The following SRSF3 variants were observed in gnomAD, a reference collection of about 807,000 sequenced individuals.
SRSF3 encodes the protein serine and arginine rich splicing factor 3, also known as serine/arginine-rich splicing factor 3.
For missense variants in SRSF3, 58 were observed against 217.1 expected (o/e 0.27, Z 4.61); for synonymous variants, 87 against 73.6 (o/e 1.18, Z -0.93).
In SRSF3 at chr6:36,604,084, T is replaced by C. The variant is rs917398740; in HGVS notation, c.*2095T>C. On this transcript the variant is annotated 3_prime_UTR_variant, in exon 6 of 6. Coordinates refer to ENST00000373715, the MANE Select transcript of SRSF3 (RefSeq NM_003017.5). Reference sequence around the variant, plus strand: ...CATGGAAATTGTTAAAAGCTTTGAATTGCACATTTAGATTGTGGCTATTAG... The same window carrying C: ...CATGGAAATTGTTAAAAGCTTTGAACTGCACATTTAGATTGTGGCTATTAG... 8 of 226,982 alleles carry C rather than the reference T, an allele frequency of 3.5e-5. No homozygotes were observed. Among genetic ancestry groups the C allele is most frequent in the East Asian group, 3.2e-4 (5 of 15,670 alleles). The allele number at this position is 226,982 out of a possible 1,614,324, so 14.1% of individuals were successfully genotyped here.
At chr6:36,597,844 T>C (rs2127505284) in intron 2 of SRSF3, among the ~76,000 whole-genome samples, 1 of 151,900 alleles carries the variant, frequency 6.6e-6, no homozygotes, top group East Asian at 1.9e-4. Flanking sequence ...TAATTTCTTT[T>C]TTTAAAAAAA....
In SRSF3 at chr6:36,601,461, C is replaced by T; in HGVS notation, c.381-247C>T. Reference sequence around the variant, plus strand: ...TCCTGGCCTTGGAGTGATCCTCCCTCTTCAGCCTCCTGAGTAGCTTGGACT... The same window carrying T: ...TCCTGGCCTTGGAGTGATCCTCCCTTTTCAGCCTCCTGAGTAGCTTGGACT... On this transcript the variant is annotated intron_variant, in intron 4 of 5. Transcript: ENST00000373715. 1.1e-5 allele frequency: 6 copies of T among 567,112 alleles called. No homozygotes were observed. In the South Asian group the frequency reaches 1.3e-4, roughly 12 times the overall value. The allele number at this position is 567,112 out of a possible 1,614,324, so 35.1% of individuals were successfully genotyped here. A position where few individuals can be genotyped will look rare whatever the true frequency, so the allele number is the denominator to read the frequency against.
chr6:36,601,095 C>A lies in SRSF3; in HGVS notation c.342-57C>A. The A allele has an allele frequency of 4.7e-6, 7 of 1,485,510 alleles. No individual in the cohort carries two copies. In the Admixed American group the frequency reaches 5.6e-5, roughly 12 times the overall value. 92.0% of individuals were successfully genotyped at this position (1,485,510 alleles called of 1,614,324 possible). ...AGTGAGATTGAAAAGTTGGGAAATG[C>A]CTCACGCCATAAATACTAATTGATG... On this transcript the variant is annotated intron_variant, in intron 3 of 5. Coordinates refer to ENST00000373715, the MANE Select transcript of SRSF3 (RefSeq NM_003017.5).
chr6:36,601,324 G>A, intron 4 of SRSF3, 134 bp downstream of exon 4: 1 of 845,456 alleles, frequency 1.2e-6, no homozygotes, highest in Non-Finnish European at 1.8e-6. Context: ...GGATGAGTCA[G>A]CTTTCTTTGA....
At chr6:36,596,669 C>T (rs567937819) in intron 1 of SRSF3, 92 bp from the exon 2 acceptor site, 4 of 1,173,054 alleles carry the variant, frequency 3.4e-6, no homozygotes, top group Admixed American at 1.8e-5. Flanking sequence ...CTTAAACTCT[C>T]TTGTCCTCTC....
chr6:36,595,785 A>G (rs1416455343), intron 1 of SRSF3, among the ~76,000 whole-genome samples: 5 of 152,190 alleles, frequency 3.3e-5, no homozygotes. Context: ...ATGAGTTTAC[A>G]TTTTTTAAAA....
At chr6:36,595,637 A>G (rs73408324) in intron 1 of SRSF3, among the ~76,000 whole-genome samples, 4,029 of 152,210 alleles carry the variant, frequency 0.026, 62 homozygotes, top group African/African-American at 0.039. Flanking sequence ...TGTTTTCAAG[A>G]TTTTCCAACG....
At chr6:36,598,672 G>A (rs1778670936) in intron 2 of SRSF3, 177 bp from the exon 3 acceptor site, 2 of 693,016 alleles carry the variant, frequency 2.9e-6, no homozygotes, top group South Asian at 2.0e-5. Context: ...GTGTACCACC[G>A]TGCCTGGCCA....
chr6:36,601,114 A>G (rs1778709140), intron 3 of SRSF3, 38 bp from the exon 4 acceptor site: 1 of 1,605,308 alleles, frequency 6.2e-7, no homozygotes, highest in African/African-American at 1.4e-5. Context: ...ATAAATACTA[A>G]TTGATGATGA....
chr6:36,599,422 A>G (rs1778682989), intron 3 of SRSF3: 1 of 194,496 alleles, frequency 5.1e-6, no homozygotes, highest in South Asian at 8.8e-5. Context: ...TCATTCTGAG[A>G]CTAACTTAAG....
intron 1 of SRSF3, among the ~76,000 whole-genome samples, chr6:36,595,383 T>C (rs73408322): frequency 0.026 from 4,025 of 152,318 alleles, 61 homozygotes; most frequent in African/African-American, 0.039. Context: ...AAATTATCTT[T>C]AAGTGGTATT....
intron 3 of SRSF3, chr6:36,599,519 T>A (rs1338326188): frequency 4.8e-6 from 1 of 209,580 alleles, no homozygotes; most frequent in Non-Finnish European, 1.0e-5. Context: ...AGTTTTTTTA[T>A]AATTGAAAAT....
intron 4 of SRSF3, 121 bp downstream of exon 4, chr6:36,601,311 T>A: frequency 1.1e-6 from 1 of 917,596 alleles, no homozygotes; most frequent in Non-Finnish European, 1.7e-6. Flanking sequence ...AATCAAGTTG[T>A]AAGGATGAGT....
At chr6:36,596,599 C>T (rs957830838) in intron 1 of SRSF3, among the ~76,000 whole-genome samples, 162 bp from the exon 2 acceptor site, 7 of 136,862 alleles carry the variant, frequency 5.1e-5, no homozygotes, top group African/African-American at 1.7e-4. Flanking sequence ...GGGTGCTTAG[C>T]AGTAACATTT....
Position 36,598,904 on chromosome 6 carries a change from A to C in SRSF3, c.262A>C (p.Arg88=), listed in dbSNP as rs750481720. Residue 88 remains arginine (R), a synonymous_variant, in exon 3 of 6, where the codon AGA becomes CGA. Coordinates refer to ENST00000373715, the MANE Select transcript of SRSF3 (RefSeq NM_003017.5). ...ACTGTCGAATGGTGAAAAAAGAAGTAGAAATCGTGGCCCACCTCCCTCTTG... is the reference window on the plus strand; with the variant it reads ...ACTGTCGAATGGTGAAAAAAGAAGTCGAAATCGTGGCCCACCTCCCTCTTG... ...VELSNGEKRS[R]NRGPPPSWGR... 5 of 1,614,068 alleles carry C rather than the reference A, an allele frequency of 3.1e-6. No homozygotes were observed. The highest frequency in any genetic ancestry group is 4.2e-6 in the Non-Finnish European group (5 of 1,179,992).
At position 36,602,853 on chromosome 6, in the gene SRSF3, C is replaced by A; in HGVS notation, c.*864C>A. The stretch of plus-strand genomic sequence containing the variant: ...GGTACCAAGTCCAGGTATAACATTC[C>A]TATTGGAAGCCATACTTATATTTTC... On this transcript the variant is annotated 3_prime_UTR_variant, in exon 6 of 6. Coordinates refer to ENST00000373715, the MANE Select transcript of SRSF3 (RefSeq NM_003017.5). The A allele has an allele frequency of 4.8e-6, 1 of 208,092 alleles. No individual in the cohort carries two copies. Among genetic ancestry groups the A allele is most frequent in the Middle Eastern group, 1.6e-3 (1 of 636 alleles). 12.9% of individuals were successfully genotyped at this position (208,092 alleles called of 1,614,324 possible). A position where few individuals can be genotyped will look rare whatever the true frequency, so the allele number is the denominator to read the frequency against.
At chr6:36,599,910 T>A in intron 3 of SRSF3, 1 of 1,350,782 alleles carries the variant, frequency 7.4e-7, no homozygotes, top group South Asian at 1.1e-5. Flanking sequence ...GCGCGCCCCA[T>A]TCAGCTTGGC....
In SRSF3 at chr6:36,603,295, T is replaced by C. The variant is rs1443749273; in HGVS notation, c.*1306T>C. ...GGAATTCTAAGCTGATCCATCATGA[T>C]GTAAAAGTTCACAATATGGTTCAAA... On this transcript the variant is annotated 3_prime_UTR_variant, in exon 6 of 6. Coordinates refer to ENST00000373715, the MANE Select transcript of SRSF3 (RefSeq NM_003017.5). The C allele has an allele frequency of 4.4e-6, 1 of 224,970 alleles. No homozygotes were observed. Among genetic ancestry groups the C allele is most frequent in the Non-Finnish European group, 8.9e-6 (1 of 112,658 alleles). 13.9% of individuals were successfully genotyped at this position (224,970 alleles called of 1,614,324 possible).
At chr6:36,601,659 T>C in intron 4 of SRSF3, 49 bp from the exon 5 acceptor site, 1 of 1,483,066 alleles carries the variant, frequency 6.7e-7, no homozygotes, top group Non-Finnish European at 9.3e-7. Flanking sequence ...AATATTTATG[T>C]ATAATTTTAT....
Sources: allele counts gnomAD v4.1 joint callset (sites outside exome capture counted in the v4.1 genomes callset), GRCh38; gene constraint gnomAD v4.1.1; transcripts MANE v1.5; gene names NCBI Gene and HGNC (gene_info 2026-07-23, HGNC 2026-07-21).